RELCH: variants seen among roughly 807,000 people sequenced by gnomAD.
RELCH encodes the protein RAB11 binding and LisH domain, coiled-coil and HEAT repeat containing.
A neutral mutation model predicts 150.3 loss-of-function variants in RELCH; 41 were observed. The ratio of observed to expected loss-of-function variants is 0.27; its 90% CI spans 0.21 to 0.35. RELCH has a LOEUF of 0.35. Ranked by LOEUF, RELCH falls within the 10% of genes least tolerant of loss-of-function variation. The pLI, the probability that RELCH is intolerant of heterozygous loss-of-function variation, is 1.00. For synonymous variants in RELCH, 478 were observed against 531.8 expected (o/e 0.90, Z 1.39); for missense variants, 1,092 against 1,467.8 (o/e 0.74, Z 4.18).
chr18:62,266,087 AG>A (rs2043546354), intron 18 of RELCH, among the ~76,000 whole-genome samples: 1 of 151,882 alleles, frequency 6.6e-6, no homozygotes, highest in African/African-American at 2.4e-5. Context: ...TGTACTTAAC[AG>A]TAAGTGGTTG....
chr18:62,253,680 A>AT (rs1464972370), intron 12 of RELCH, among the ~76,000 whole-genome samples: 6 of 152,148 alleles, frequency 3.9e-5, no homozygotes, highest in Middle Eastern at 3.4e-3. Context: ...TTGGGCATTC[A>AT]TTTTTTCCAC....
chr18:62,221,254 A>G lies in RELCH; in HGVS notation c.724A>G (p.Lys242Glu). 6.2e-7 allele frequency: 1 copy of G among 1,611,442 alleles called. No homozygotes were observed. The highest frequency in any genetic ancestry group is 8.5e-7 in the Non-Finnish European group (1 of 1,178,036). Residue 242 changes from lysine to glutamate, a missense_variant, in exon 4 of 29, where the codon AAA becomes GAA. Transcript: ENST00000644646. ...EVPLQERKNYKSSPEIQEPIK... is the reference protein window; with the variant it reads ...EVPLQERKNYESSPEIQEPIK... ...TCCTTTACAGGAACGAAAAAATTAC[A>G]AATCAAGTCCTGAAATTCAGGTGGG...
chr18:62,263,063 T>A (rs1369122698), intron 16 of RELCH, among the ~76,000 whole-genome samples: 2 of 152,030 alleles, frequency 1.3e-5, no homozygotes, highest in East Asian at 3.9e-4. Flanking sequence ...TTTCCCTTCT[T>A]ATAAGGACAT....
chr18:62,243,055 A>G (rs1405036923), intron 10 of RELCH, among the ~76,000 whole-genome samples: 2 of 152,164 alleles, frequency 1.3e-5, no homozygotes, highest in Non-Finnish European at 2.9e-5. Flanking sequence ...TTCAGGCATT[A>G]GAATAGCTTC....
At chr18:62,254,007 T>G (rs979359412) in intron 12 of RELCH, among the ~76,000 whole-genome samples, 1 of 152,178 alleles carries the variant, frequency 6.6e-6, no homozygotes, top group African/African-American at 2.4e-5. Context: ...TAAACATTTT[T>G]GCTATCCCAA....
chr18:62,211,404 G>A (rs2040159742), intron 2 of RELCH, among the ~76,000 whole-genome samples, 162 bp downstream of exon 2: 1 of 152,062 alleles, frequency 6.6e-6, no homozygotes, highest in Admixed American at 6.6e-5. Flanking sequence ...CAAGTTTGGG[G>A]GTTCCCCAAC....
At chr18:62,239,830 G>A (rs4941122) in intron 10 of RELCH, among the ~76,000 whole-genome samples, 12,404 of 151,846 alleles carry the variant, frequency 0.082, 621 homozygotes, top group South Asian at 0.19. Flanking sequence ...TTACCTTCTT[G>A]ACCCTCCTTG....
chr18:62,305,289 A>T lies in RELCH; in HGVS notation c.3531-125A>T. ...GTATGGCATATACAAACTACCCTCCATAAATATTAGTTTCCCTTTTGTGAC... is the reference window on the plus strand; with the variant it reads ...GTATGGCATATACAAACTACCCTCCTTAAATATTAGTTTCCCTTTTGTGAC... On this transcript the variant is annotated intron_variant, in intron 28 of 28. Coordinates refer to ENST00000644646, the MANE Select transcript of RELCH (RefSeq NM_001346231.2). The surrounding 1 kb of genome is among the most constrained non-coding windows in gnomAD (Gnocchi z 4.0). 1 of 751,518 alleles carries T rather than the reference A, an allele frequency of 1.3e-6. No homozygotes were observed. Among genetic ancestry groups the T allele is most frequent in the Non-Finnish European group, 2.0e-6 (1 of 491,234 alleles). The allele number at this position is 751,518 out of a possible 1,614,324, so 46.6% of individuals were successfully genotyped here. A position where few individuals can be genotyped will look rare whatever the true frequency, so the allele number is the denominator to read the frequency against.
chr18:62,246,277 T>C (rs2042408504), intron 11 of RELCH: 1 of 152,220 alleles, frequency 6.6e-6, no homozygotes, highest in Non-Finnish European at 1.5e-5. Flanking sequence ...ATTCATGTAA[T>C]CTCAGTAAGC....
chr18:62,277,554 C>T (rs945777687), intron 22 of RELCH: 3 of 744,536 alleles, frequency 4.0e-6, no homozygotes, highest in African/African-American at 3.8e-5. Flanking sequence ...AAAATAAAAA[C>T]ATAAAAAAAA....
intron 1 of RELCH, among the ~76,000 whole-genome samples, chr18:62,190,422 C>CA (rs1370698428): frequency 6.6e-6 from 1 of 151,876 alleles, no homozygotes; most frequent in African/African-American, 2.4e-5. Context: ...ACTAAAAATA[C>CA]AAAAATTAGC....
Position 62,279,754 on chromosome 18 carries a change from C to T in RELCH, c.2968-20C>T, listed in dbSNP as rs762056877. 53 of 1,503,354 alleles carry T rather than the reference C, an allele frequency of 3.5e-5. No homozygotes were observed. The highest frequency in any genetic ancestry group is 1.4e-5 in the African/African-American group (1 of 72,378). The allele number at this position is 1,503,354 out of a possible 1,614,324, so 93.1% of individuals were successfully genotyped here. On this transcript the variant is annotated intron_variant, in intron 22 of 28. Coordinates refer to ENST00000644646, the MANE Select transcript of RELCH (RefSeq NM_001346231.2). ...CTTTCCGTGCATCACCTGTGAATAC[C>T]CCCTGTGCTGACCAATCAGCTGTTG...
chr18:62,273,909 A>C (rs2044048055), intron 20 of RELCH, 71 bp from the exon 21 acceptor site: 1 of 907,082 alleles, frequency 1.1e-6, no homozygotes, highest in African/African-American at 1.7e-5. Flanking sequence ...TTCTAATTAT[A>C]GATAGGTAAA....
At chr18:62,215,915 T>C (rs2040447271) in intron 2 of RELCH, among the ~76,000 whole-genome samples, 2 of 152,184 alleles carry the variant, frequency 1.3e-5, no homozygotes, top group Admixed American at 1.3e-4. Flanking sequence ...TTAAAAACTT[T>C]TTTAGATATT....
At chr18:62,233,496 T>C (rs1334381942) in intron 10 of RELCH, among the ~76,000 whole-genome samples, 1 of 151,970 alleles carries the variant, frequency 6.6e-6, no homozygotes, top group Non-Finnish European at 1.5e-5. Flanking sequence ...TTTATCCCCA[T>C]AGGTATTTTT....
At chr18:62,221,622 C>G (rs2040881669) in intron 5 of RELCH, 125 bp downstream of exon 5, 4 of 466,540 alleles carry the variant, frequency 8.6e-6, no homozygotes, top group Admixed American at 8.4e-5. Flanking sequence ...AGGCTAGTTA[C>G]TAGAACAGCA....
In RELCH at chr18:62,280,882, C is replaced by T. The variant is rs969097284; in HGVS notation, c.3114+173C>T. Among the ~76,000 whole-genome samples, 6 of 152,282 alleles carry T rather than the reference C, an allele frequency of 3.9e-5. No individual in the cohort carries two copies. The South Asian group carries it at 1.2e-3, about 32-fold the overall frequency. On this transcript the variant is annotated intron_variant, in intron 24 of 28. Coordinates refer to ENST00000644646, the MANE Select transcript of RELCH (RefSeq NM_001346231.2). ...TGGTAGCCTAACCAAGGTATATTTCCATATCCTAAGGAAATCTCTAGTCTT... is the reference window on the plus strand; with the variant it reads ...TGGTAGCCTAACCAAGGTATATTTCTATATCCTAAGGAAATCTCTAGTCTT...
intron 14 of RELCH, 76 bp from the exon 15 acceptor site, chr18:62,258,436 T>C: frequency 1.6e-6 from 2 of 1,244,282 alleles, no homozygotes; most frequent in East Asian, 5.1e-5. Flanking sequence ...ATTGAAATTT[T>C]TATTACTTTT....
intron 1 of RELCH, among the ~76,000 whole-genome samples, chr18:62,201,722 C>G (rs982452826): frequency 2.0e-5 from 3 of 152,130 alleles, no homozygotes; most frequent in Non-Finnish European, 2.9e-5. Flanking sequence ...AACATGATTA[C>G]TTAGACTTAT....
Sources: gnomAD v4.1 joint callset for allele counts (sites outside exome capture counted in the v4.1 genomes callset) on GRCh38, gnomAD v4.1.1 for gene constraint, Gnocchi (gnomAD v3.1) non-coding constraint, MANE v1.5 for transcripts, NCBI Gene and HGNC (gene_info 2026-07-23, HGNC 2026-07-21) for gene names.